The following PDE1C variants were observed in gnomAD, a reference collection of about 807,000 sequenced individuals.
PDE1C encodes the protein dual specificity calcium/calmodulin-dependent 3',5'-cyclic nucleotide phosphodiesterase 1C.
A neutral mutation model predicts 93.1 loss-of-function variants in PDE1C; 62 were observed. The ratio of observed to expected loss-of-function variants is 0.67; its 90% CI spans 0.54 to 0.82. The LOEUF is 0.82. Among genes scored for constraint, PDE1C ranks in the 40% least tolerant of loss-of-function variants. The pLI is 0.00. For missense variants in PDE1C, 742 were observed against 884.6 expected (o/e 0.84, Z 2.04); for synonymous variants, 325 against 310.1 (o/e 1.05, Z -0.50).
chr7:32,070,483 A>T, upstream of PDE1C: 1 of 1,568,372 alleles, frequency 6.4e-7, no homozygotes, highest in South Asian at 1.2e-5. Context: ...ATGCCCAGCC[A>T]GGCGCGGCGC....
At chr7:31,814,250 G>A (rs1383048409) in intron 15 of PDE1C, among the ~76,000 whole-genome samples, 1 of 152,070 alleles carries the variant, frequency 6.6e-6, no homozygotes, top group Non-Finnish European at 1.5e-5. Flanking sequence ...ATACCCAGGA[G>A]TGGGATTGCT....
At chr7:31,905,863 A>G (rs187757186) in intron 2 of PDE1C, among the ~76,000 whole-genome samples, 1 of 152,270 alleles carries the variant, frequency 6.6e-6, no homozygotes, top group Admixed American at 6.5e-5. Context: ...TTCTCATGAT[A>G]GTGAGTTCTC....
chr7:32,194,005 C>G (rs1804428578), intron 2 of PDE1C, among the ~76,000 whole-genome samples: 1 of 149,820 alleles, frequency 6.7e-6, no homozygotes, highest in Admixed American at 6.7e-5. Context: ...AGCTCCACCT[C>G]CCAGGTTCAC....
intron 1 of PDE1C, among the ~76,000 whole-genome samples, chr7:32,259,966 G>C (rs1455844009): frequency 6.6e-6 from 1 of 152,156 alleles, no homozygotes; most frequent in East Asian, 1.9e-4. Context: ...GCCATGGCTT[G>C]GTGCCCAGAA....
chr7:31,995,102 G>A (rs1312215432), intron 2 of PDE1C, among the ~76,000 whole-genome samples: 2 of 152,192 alleles, frequency 1.3e-5, no homozygotes, highest in East Asian at 1.9e-4. Flanking sequence ...TCATAAAAAT[G>A]TTTGTTTCCA....
intron 16 of PDE1C, chr7:31,790,186 A>G: frequency 1.2e-6 from 2 of 1,606,804 alleles, no homozygotes; most frequent in Non-Finnish European, 1.7e-6. Context: ...GAGAATGAAG[A>G]AGCTCAGCTA....
intron 2 of PDE1C, among the ~76,000 whole-genome samples, chr7:31,990,010 T>C (rs1377046956): frequency 3.3e-5 from 5 of 152,170 alleles, no homozygotes; most frequent in Admixed American, 6.5e-5. Flanking sequence ...TGAAAGGAAC[T>C]TGCAGTCCAG....
chr7:31,948,605 C>G (rs1457247365), intron 2 of PDE1C, among the ~76,000 whole-genome samples: 1 of 152,126 alleles, frequency 6.6e-6, no homozygotes, highest in Non-Finnish European at 1.5e-5. Flanking sequence ...TTTTCTTCCT[C>G]CCAACTTTCT....
At chr7:32,056,361 T>A (rs1270955960) in intron 1 of PDE1C, among the ~76,000 whole-genome samples, 1 of 126,824 alleles carries the variant, frequency 7.9e-6, no homozygotes, top group African/African-American at 3.1e-5. Context: ...TCTCTCTCTC[T>A]CACTGAAACA....
At chr7:32,203,379 T>C (rs370026350) in intron 2 of PDE1C, among the ~76,000 whole-genome samples, 14 of 152,140 alleles carry the variant, frequency 9.2e-5, no homozygotes, top group Admixed American at 1.3e-4. Context: ...GCTCCATACA[T>C]GGCATCACCA....
At chr7:31,912,840 T>G (rs1801420724) in intron 2 of PDE1C, among the ~76,000 whole-genome samples, 1 of 152,198 alleles carries the variant, frequency 6.6e-6, no homozygotes, top group South Asian at 2.1e-4. Flanking sequence ...AATAGATTTT[T>G]TTTTTGGACA....
chr7:32,408,256 T>C (rs1321453011), intron 1 of PDE1C, among the ~76,000 whole-genome samples: 2 of 152,218 alleles, frequency 1.3e-5, no homozygotes, highest in African/African-American at 4.8e-5. Context: ...CATTAACTGC[T>C]ACACTCACAA....
At chr7:32,380,591 C>T (rs1784516262) in intron 1 of PDE1C, among the ~76,000 whole-genome samples, 1 of 152,006 alleles carries the variant, frequency 6.6e-6, no homozygotes. Flanking sequence ...ATCCTCCCCA[C>T]TCCACTGGGC....
At chr7:32,203,095 A>G (rs1805139598) in intron 2 of PDE1C, among the ~76,000 whole-genome samples, 1 of 151,552 alleles carries the variant, frequency 6.6e-6, no homozygotes, top group African/African-American at 2.4e-5. Context: ...ACGTGATCTC[A>G]TCTGTCCTGG....
intron 2 of PDE1C, among the ~76,000 whole-genome samples, chr7:31,906,929 C>A (rs927901219): frequency 1.3e-5 from 2 of 152,068 alleles, no homozygotes; most frequent in Non-Finnish European, 2.9e-5. Flanking sequence ...GCTATGTGTG[C>A]ACGAATGCAC....
intron 2 of PDE1C, among the ~76,000 whole-genome samples, chr7:31,967,494 C>G (rs11486831): frequency 0.25 from 38,222 of 152,016 alleles, 5,194 homozygotes; most frequent in African/African-American, 0.34. Context: ...AGAAAGTCCA[C>G]GACCAGATGG....
intron 1 of PDE1C, among the ~76,000 whole-genome samples, chr7:32,407,790 C>G (rs1026280752): frequency 1.3e-5 from 2 of 152,076 alleles, no homozygotes; most frequent in Non-Finnish European, 2.9e-5. Context: ...GTTGAGGATC[C>G]AGCACTCCAG....
chr7:31,716,707 A>G, the PDE1C span, among the ~76,000 whole-genome samples: 1 of 152,230 alleles, frequency 6.6e-6, no homozygotes, highest in Non-Finnish European at 1.5e-5. Context: ...TGTTAAACCC[A>G]TATGGCATTT....
intron 1 of PDE1C, among the ~76,000 whole-genome samples, chr7:32,331,645 G>C (rs1449337509): frequency 6.6e-6 from 1 of 152,142 alleles, no homozygotes; most frequent in African/African-American, 2.4e-5. Context: ...GCTGAATCCA[G>C]GTGTGAGTGG....
Sources: gnomAD v4.1 joint callset for allele counts (sites outside exome capture counted in the v4.1 genomes callset) on GRCh38, gnomAD v4.1.1 for gene constraint, MANE v1.5 for transcripts, NCBI Gene and HGNC (gene_info 2026-07-23, HGNC 2026-07-21) for gene names.